The following SLC35F5 variants were observed in gnomAD, a reference collection of about 807,000 sequenced individuals.
SLC35F5 encodes solute carrier family 35 member F5, also known as HCV NS5A-transactivated protein 3.
Under a neutral mutation model 68.6 loss-of-function variants are expected in SLC35F5, and 54 were observed. The ratio of observed to expected loss-of-function variants is 0.79; its 90% CI spans 0.63 to 0.99. The LOEUF (loss-of-function observed/expected upper bound fraction) is 0.99. Among genes scored for constraint, SLC35F5 ranks in the 50% least tolerant of loss-of-function variants. SLC35F5 has a pLI of 0.00. For synonymous variants in SLC35F5, 211 were observed against 205.2 expected (o/e 1.03, Z -0.24); for missense variants, 567 against 626.9 (o/e 0.90, Z 1.02).
intron 3 of SLC35F5, 117 bp downstream of exon 3, chr2:113,755,048 T>TA: frequency 1.0e-6 from 1 of 966,214 alleles, no homozygotes; most frequent in Non-Finnish European, 1.5e-6. Flanking sequence ...AAAAATTCAA[T>TA]AGTATTTAAG....
intron 11 of SLC35F5, among the ~76,000 whole-genome samples, chr2:113,727,038 G>A (rs1687691446): frequency 6.6e-6 from 1 of 152,144 alleles, no homozygotes; most frequent in South Asian, 2.1e-4. Context: ...TGTCAGGGAG[G>A]GACCTGGTGG....
rs184564565 is a variant in SLC35F5 at position 113,739,446 on chromosome 2, T to C, written c.750+3246A>G. Among the ~76,000 whole-genome samples, 630 of 152,368 alleles carry C rather than the reference T, an allele frequency of 4.1e-3. 6 individuals carry two copies. The highest frequency in any genetic ancestry group is 0.014 in the African/African-American group (600 of 41,594). On this transcript the variant is annotated intron_variant, in intron 7 of 15. Transcript: ENST00000245680. ...TCAAGGATTTGGTGGGCCAACTGTATGTCTGGACTATATTCCTCTGACTTC... is the reference window on the plus strand; with the variant it reads ...TCAAGGATTTGGTGGGCCAACTGTACGTCTGGACTATATTCCTCTGACTTC...
In SLC35F5 at chr2:113,718,865, AAAAGAAAGAAAGAAAGAAAG is replaced by A. The variant is rs765844454; in HGVS notation, c.1496+269_1496+288del. Among the ~76,000 whole-genome samples, 138 of 123,512 alleles carry A rather than the reference AAAAGAAAGAAAGAAAGAAAG, an allele frequency of 1.1e-3. 2 individuals are homozygous for A. In the Middle Eastern group the frequency reaches 0.011, roughly 10 times the overall value. 81.0% of individuals were successfully genotyped at this position (123,512 alleles called of 152,430 possible). ...AAGGAAAGAAAAAGAGAGAGAAAGA[AAAAGAAAGAAAGAAAGAAAG>A]AAAGAAAGAAAGAAAGAAAGAAAGA... On this transcript the variant is annotated intron_variant, in intron 14 of 15. Transcript: ENST00000245680.
intron 4 of SLC35F5, 23 bp downstream of exon 4, chr2:113,750,402 G>C: frequency 6.4e-7 from 1 of 1,568,390 alleles, no homozygotes; most frequent in African/African-American, 1.4e-5. Flanking sequence ...CTTCCTAACA[G>C]ACAGTTAAAA....
chr2:113,717,204 G>T (rs1687215200), intron 15 of SLC35F5, among the ~76,000 whole-genome samples: 1 of 151,980 alleles, frequency 6.6e-6, no homozygotes, highest in African/African-American at 2.4e-5. Context: ...TCTTAAAATG[G>T]AAAAAATGGA....
At chr2:113,737,195 A>G (rs1266457960) in intron 7 of SLC35F5, among the ~76,000 whole-genome samples, 1 of 152,226 alleles carries the variant, frequency 6.6e-6, no homozygotes, top group African/African-American at 2.4e-5. Flanking sequence ...CTTGTGGCTG[A>G]GTAGTTTTAC....
intron 15 of SLC35F5, 133 bp downstream of exon 15, chr2:113,717,620 G>A (rs372309488): frequency 1.1e-5 from 6 of 555,488 alleles, no homozygotes; most frequent in African/African-American, 3.8e-5. Flanking sequence ...AGACGGAACT[G>A]GAGTCCAGGC....
chr2:113,718,075 C>CTCACTTTTTGTTTTTTAAATAAGAGATAG (rs1687247476), intron 14 of SLC35F5, among the ~76,000 whole-genome samples: 3 of 152,194 alleles, frequency 2.0e-5, no homozygotes, highest in Non-Finnish European at 2.9e-5. Context: ...ATAAGAGATA[C>CTCACTTTTTGTTTTTTAAATAAGAGATAG]GGTCTCACTT....
intron 15 of SLC35F5, among the ~76,000 whole-genome samples, chr2:113,716,449 A>G (rs141680548): frequency 0.011 from 1,686 of 152,294 alleles, 35 homozygotes; most frequent in African/African-American, 0.039. Flanking sequence ...CAATATAAAC[A>G]CTGACTACAG....
intron 14 of SLC35F5, 88 bp downstream of exon 14, chr2:113,719,066 A>G: frequency 5.6e-6 from 7 of 1,240,670 alleles, no homozygotes; most frequent in Non-Finnish European, 7.8e-6. Flanking sequence ...ATTCCTCACA[A>G]AATCTCTAAA....
chr2:113,755,116 T>C (rs1455285844), intron 3 of SLC35F5, 49 bp downstream of exon 3: 3 of 1,589,176 alleles, frequency 1.9e-6, no homozygotes, highest in African/African-American at 2.7e-5. Flanking sequence ...GGTTAAGAGT[T>C]AACATTGTGG....
At position 113,735,819 on chromosome 2, in the gene SLC35F5, C is replaced by T. The variant is rs1469698787; in HGVS notation, c.790G>A (p.Asp264Asn). 3.1e-6 allele frequency: 5 copies of T among 1,609,380 alleles called. No individual in the cohort carries two copies. The highest frequency in any genetic ancestry group is 4.2e-6 in the Non-Finnish European group (5 of 1,178,350). The change falls in exon 8 of 16, where the codon GAC becomes AAC. Residue 264 changes from aspartate to asparagine, a missense_variant. Asp to Asn is a conservative substitution (Grantham distance 23). Transcript: ENST00000245680. ...ANLSYQEALSDTQVAIVNILS... is the reference protein window; with the variant it reads ...ANLSYQEALSNTQVAIVNILS... ...ATATTAACTATAGCAACTTGTGTGT[C>T]TGAAAGTGCTTCTTGATATGACAAA...
Position 113,756,619 on chromosome 2 carries a change from A to C in SLC35F5, c.-210T>G. On this transcript the variant is annotated 5_prime_UTR_variant, in exon 1 of 16. Transcript: ENST00000245680. The stretch of plus-strand genomic sequence containing the variant: ...AGGGGAAGGGACGGCACAGTCAGCT[A>C]TGGCCGCGGAGGCCCGGAGATCTGC... The C allele has an allele frequency of 7.5e-7, 1 of 1,331,418 alleles. No individual in the cohort carries two copies. Among genetic ancestry groups the C allele is most frequent in the Non-Finnish European group, 9.8e-7 (1 of 1,020,130 alleles). 82.5% of individuals were successfully genotyped at this position (1,331,418 alleles called of 1,614,324 possible).
chr2:113,756,613 T>C lies in SLC35F5; in HGVS notation c.-204A>G. 1 of 1,360,176 alleles carries C rather than the reference T, an allele frequency of 7.4e-7. No individual in the cohort carries two copies. Among genetic ancestry groups the C allele is most frequent in the Non-Finnish European group, 9.6e-7 (1 of 1,042,328 alleles). The allele number at this position is 1,360,176 out of a possible 1,614,324, so 84.3% of individuals were successfully genotyped here. A position where few individuals can be genotyped will look rare whatever the true frequency, so the allele number is the denominator to read the frequency against. On this transcript the variant is annotated 5_prime_UTR_variant, in exon 1 of 16. Coordinates refer to ENST00000245680, the MANE Select transcript of SLC35F5 (RefSeq NM_025181.5). ...CGGGTGAGGGGAAGGGACGGCACAG[T>C]CAGCTATGGCCGCGGAGGCCCGGAG...
chr2:113,755,035 T>C (rs545917088), intron 3 of SLC35F5, 130 bp downstream of exon 3: 1 of 864,042 alleles, frequency 1.2e-6, no homozygotes, highest in Non-Finnish European at 1.7e-6. Flanking sequence ...TTCAACGTTT[T>C]TTAAAAATTC....
chr2:113,755,956 G>A (rs1676966886), intron 1 of SLC35F5: 4 of 1,549,812 alleles, frequency 2.6e-6, no homozygotes, highest in African/African-American at 1.4e-5. Context: ...TTGGTTATCG[G>A]AGAGTAAGTG....
At chr2:113,741,073 C>G (rs1676254197) in intron 7 of SLC35F5, among the ~76,000 whole-genome samples, 1 of 152,146 alleles carries the variant, frequency 6.6e-6, no homozygotes, top group Non-Finnish European at 1.5e-5. Context: ...GATGGTATAT[C>G]TGTACAATGA....
intron 13 of SLC35F5, 66 bp downstream of exon 13, chr2:113,723,038 A>C: frequency 9.1e-7 from 1 of 1,098,738 alleles, no homozygotes; most frequent in Non-Finnish European, 1.3e-6. Context: ...ATCACATCTC[A>C]ACTTTCATTA....
At chr2:113,733,355 A>G (rs962637113) in intron 9 of SLC35F5, 2 of 358,296 alleles carry the variant, frequency 5.6e-6, no homozygotes, top group Non-Finnish European at 1.1e-5. Context: ...TACTCTGTCA[A>G]AATACTTACA....
Sources: allele counts gnomAD v4.1 joint callset (sites outside exome capture counted in the v4.1 genomes callset), GRCh38; gene constraint gnomAD v4.1.1; transcripts MANE v1.5; gene names NCBI Gene and HGNC (gene_info 2026-07-23, HGNC 2026-07-21).